Variants in METTL15 observed in about 807,000 individuals in gnomAD.
METTL15 encodes the protein methyltransferase 15, mitochondrial 12S rRNA N4-cytidine, also known as 12S rRNA N(4)-cytidine methyltransferase METTL15.
In METTL15, 34 loss-of-function variants were observed where a neutral mutation model predicts 38.3. The ratio of observed to expected loss-of-function variants is 0.89; its 90% CI spans 0.68 to 1.18. The LOEUF (loss-of-function observed/expected upper bound fraction) is 1.18. Ranked by LOEUF, METTL15 falls within the 50% of genes most tolerant of loss-of-function variation. The probability of loss-of-function intolerance (pLI) is 0.00; values close to 1 mark genes in which losing one functional copy is unlikely to be tolerated. For missense variants in METTL15, 438 were observed against 498.4 expected, an observed-to-expected ratio of 0.88 and a Z score of 1.15; for synonymous variants, 162 against 170.9, an observed-to-expected ratio of 0.95 and a Z score of 0.41.
chr11:28,139,184 T>C (rs975183302), intron 3 of METTL15, among the ~76,000 whole-genome samples: 2 of 152,164 alleles, frequency 1.3e-5, no homozygotes, highest in African/African-American at 4.8e-5. Flanking sequence ...GGGGGATATA[T>C]CTGAGGGGAG....
chr11:28,231,041 A>G (rs1853663656), intron 4 of METTL15, among the ~76,000 whole-genome samples: 1 of 151,864 alleles, frequency 6.6e-6, no homozygotes, highest in South Asian at 2.1e-4. Context: ...TCAAACTTAA[A>G]TTATTTGAGG....
intron 4 of METTL15, among the ~76,000 whole-genome samples, chr11:28,250,570 A>ATT (rs763326965): frequency 2.7e-5 from 4 of 146,192 alleles, no homozygotes; most frequent in Non-Finnish European, 6.1e-5. Context: ...TTTTTTTAAA[A>ATT]AAAAAAATGA....
intron 5 of METTL15, among the ~76,000 whole-genome samples, chr11:28,417,432 T>A (rs1850783110): frequency 6.6e-6 from 1 of 152,220 alleles, no homozygotes; most frequent in Non-Finnish European, 1.5e-5. Flanking sequence ...ATTATTTGAT[T>A]TCTTGAGAAT....
At chr11:28,269,664 G>A (rs1420561915) in intron 4 of METTL15, among the ~76,000 whole-genome samples, 1 of 152,142 alleles carries the variant, frequency 6.6e-6, no homozygotes, top group Non-Finnish European at 1.5e-5. Context: ...ATCAGCACTA[G>A]ATTCTTTGGG....
chr11:28,196,408 A>G lies in METTL15; in HGVS notation c.271-14654A>G, dbSNP rs534035932. Among the ~76,000 whole-genome samples the G allele has an allele frequency of 1.3e-5, 2 of 151,762 alleles. 1 individual carries two copies. The highest frequency in any genetic ancestry group is 2.9e-5 in the Non-Finnish European group (2 of 67,856). On this transcript the variant is annotated intron_variant, in intron 3 of 6. Coordinates refer to ENST00000407364, the MANE Select transcript of METTL15 (RefSeq NM_001113528.2). ...GTGTTTTGTAGCTCACCTTGTAGAG[A>G]TATTTCACCTCCTTGGTTAATATAT... is the stretch of plus-strand genomic sequence containing the variant.
chr11:28,358,727 C>G (rs1297412290), intron 4 of METTL15, among the ~76,000 whole-genome samples: 2 of 152,136 alleles, frequency 1.3e-5, no homozygotes, highest in Non-Finnish European at 2.9e-5. Context: ...ACTTTTGTCT[C>G]TCCAAAACCT....
intron 5 of METTL15, among the ~76,000 whole-genome samples, chr11:28,381,247 T>C (rs926179025): frequency 3.3e-5 from 5 of 152,072 alleles, no homozygotes; most frequent in African/African-American, 1.2e-4. Flanking sequence ...GATCCTCCTA[T>C]CTTAGCCTCC....
intron 6 of METTL15, among the ~76,000 whole-genome samples, chr11:28,441,679 T>G (rs1851036118): frequency 6.6e-6 from 1 of 152,100 alleles, no homozygotes; most frequent in African/African-American, 2.4e-5. Context: ...ATCACTTCAT[T>G]CCATTTGCAT....
At chr11:28,196,673 C>CT (rs953666125) in intron 3 of METTL15, among the ~76,000 whole-genome samples, 94 of 145,034 alleles carry the variant, frequency 6.5e-4, no homozygotes, top group Admixed American at 1.6e-3. Context: ...TTAAGAAAGA[C>CT]TTTTTTTTTT....
At chr11:28,165,145 G>A (rs1332922575) in intron 3 of METTL15, among the ~76,000 whole-genome samples, 1 of 152,112 alleles carries the variant, frequency 6.6e-6, no homozygotes, top group Non-Finnish European at 1.5e-5. Context: ...AAGCTGCAAT[G>A]AACATGGGAG....
At chr11:28,242,878 T>A (rs1261018483) in intron 4 of METTL15, among the ~76,000 whole-genome samples, 2 of 152,120 alleles carry the variant, frequency 1.3e-5, no homozygotes, top group South Asian at 2.1e-4. Context: ...AGAGACCAAA[T>A]TTTTTACATT....
intron 1 of METTL15, among the ~76,000 whole-genome samples, chr11:28,109,644 T>C (rs772204768): frequency 2.0e-5 from 3 of 152,228 alleles, no homozygotes; most frequent in Non-Finnish European, 4.4e-5. Context: ...AGTCTGAAAA[T>C]ATGCATATTT....
intron 4 of METTL15, among the ~76,000 whole-genome samples, chr11:28,267,920 G>A (rs921289353): frequency 5.3e-5 from 8 of 152,012 alleles, no homozygotes; most frequent in South Asian, 2.1e-4. Flanking sequence ...AATATTGGCC[G>A]GGCGCGGTGG....
At chr11:28,410,583 G>C (rs151332423) in intron 5 of METTL15, 1 of 152,126 alleles carries the variant, frequency 6.6e-6, no homozygotes, top group African/African-American at 2.4e-5. Context: ...ATTCTTTCTT[G>C]ATGAAAACTC....
intron 3 of METTL15, among the ~76,000 whole-genome samples, chr11:28,177,770 T>G (rs528258693): frequency 2.0e-5 from 3 of 152,032 alleles, no homozygotes; most frequent in African/African-American, 4.8e-5. Context: ...CTGCTAGAGT[T>G]TTTTTGGGTC....
At chr11:28,278,555 C>T (rs1364752711) in intron 4 of METTL15, among the ~76,000 whole-genome samples, 1 of 152,138 alleles carries the variant, frequency 6.6e-6, no homozygotes, top group Non-Finnish European at 1.5e-5. Context: ...TGGCGTAAAT[C>T]TAAGAAGAAT....
chr11:28,278,801 T>A (rs1855938390), intron 4 of METTL15, among the ~76,000 whole-genome samples: 1 of 152,148 alleles, frequency 6.6e-6, no homozygotes, highest in African/African-American at 2.4e-5. Flanking sequence ...CTTTGTTGTT[T>A]TATCCATGAG....
downstream of METTL15, among the ~76,000 whole-genome samples, chr11:28,528,176 GGAAA>G (rs1465231197): frequency 1.3e-5 from 2 of 151,952 alleles, no homozygotes; most frequent in African/African-American, 4.8e-5. Flanking sequence ...CTCATGTATT[GGAAA>G]GAAAGTTAAT....
chr11:28,139,196 G>A (rs1156364593), intron 3 of METTL15, among the ~76,000 whole-genome samples: 1 of 152,126 alleles, frequency 6.6e-6, no homozygotes, highest in East Asian at 1.9e-4. Context: ...TGAGGGGAGT[G>A]TCCTGTGGTA....
Sources: allele counts gnomAD v4.1 joint callset (sites outside exome capture counted in the v4.1 genomes callset), GRCh38; gene constraint gnomAD v4.1.1; transcripts MANE v1.5; gene names NCBI Gene and HGNC (gene_info 2026-07-23, HGNC 2026-07-21).